The following SETD3 variants were observed in gnomAD, a reference collection of about 807,000 sequenced individuals.
The protein encoded by SETD3 is actin-histidine N-methyltransferase.
SETD3 carries 19 observed loss-of-function variants against 63.0 expected under a neutral mutation model. That is an observed-to-expected ratio of 0.30 (90% CI 0.21 to 0.44). The LOEUF (loss-of-function observed/expected upper bound fraction) is 0.44. Among genes scored for constraint, SETD3 ranks in the 20% least tolerant of loss-of-function variants. The pLI is 1.00. For synonymous variants in SETD3, 286 were observed against 264.1 expected (o/e 1.08, Z -0.80); for missense variants, 587 against 728.5 (o/e 0.81, Z 2.24).
intron 6 of SETD3, among the ~76,000 whole-genome samples, chr14:99,449,499 A>G (rs1894332636): frequency 6.6e-6 from 1 of 152,240 alleles, no homozygotes; most frequent in Non-Finnish European, 1.5e-5. Flanking sequence ...ACACATGATA[A>G]AATATCCAAC....
intron 3 of SETD3, 144 bp from the exon 4 acceptor site, chr14:99,461,484 A>G: frequency 1.3e-6 from 1 of 773,736 alleles, no homozygotes. Context: ...TAATCACCAG[A>G]TGGTCACAGT....
At chr14:99,467,354 A>C (rs753384852) in intron 1 of SETD3, among the ~76,000 whole-genome samples, 2 of 152,200 alleles carry the variant, frequency 1.3e-5, no homozygotes, top group African/African-American at 4.8e-5. Flanking sequence ...CAGACAGCTT[A>C]AGCACCTTTT....
intron 11 of SETD3, 74 bp from the exon 12 acceptor site, chr14:99,400,333 A>T (rs1891324176): frequency 6.8e-7 from 1 of 1,468,312 alleles, no homozygotes; most frequent in African/African-American, 1.4e-5. Context: ...AATCTACCTT[A>T]GAAAATATTG....
At chr14:99,482,171 C>T (rs116133461), upstream of SETD3, among the ~76,000 whole-genome samples, 830 of 152,314 alleles carry the variant, frequency 5.4e-3, 9 homozygotes, top group African/African-American at 0.019. Context: ...GCCAGTTAAA[C>T]GGAGCTTTCG....
At chr14:99,460,249 A>G (rs1159113310) in intron 4 of SETD3, among the ~76,000 whole-genome samples, 2 of 152,228 alleles carry the variant, frequency 1.3e-5, no homozygotes, top group Non-Finnish European at 2.9e-5. Flanking sequence ...CAATCTATCA[A>G]TGAAAGGTTA....
At chr14:99,409,987 G>T in intron 8 of SETD3, 2 of 443,022 alleles carry the variant, frequency 4.5e-6, no homozygotes, top group Non-Finnish European at 8.1e-6. Flanking sequence ...AGGCGGGGGG[G>T]TGAACCAACA....
rs927595493 is a variant in SETD3 at position 99,418,942 on chromosome 14, T to C, written c.676-5008A>G. 1.3e-4 allele frequency among the ~76,000 whole-genome samples: 20 copies of C among 152,208 alleles called. 1 individual carries two copies. Among genetic ancestry groups the C allele is most frequent in the Admixed American group, 7.9e-4 (12 of 15,280 alleles). The stretch of plus-strand genomic sequence containing the variant: ...AAATGCAGGCTCATAAGCAGCAGCA[T>C]GCAAGACAGCGAGTTTCTAGAAGGC... On this transcript the variant is annotated intron_variant, in intron 6 of 12. Transcript: ENST00000331768.
At chr14:99,410,244 G>A (rs1473739427) in intron 8 of SETD3, 4 of 1,613,494 alleles carry the variant, frequency 2.5e-6, no homozygotes, top group Non-Finnish European at 3.4e-6. Flanking sequence ...CCAGAGGTGA[G>A]TCAGACCTGT....
At chr14:99,438,515 T>C (rs191611949) in intron 6 of SETD3, among the ~76,000 whole-genome samples, 1 of 152,222 alleles carries the variant, frequency 6.6e-6, no homozygotes, top group Non-Finnish European at 1.5e-5. Flanking sequence ...AGGTTAGTAA[T>C]GTCATGTTAT....
At chr14:99,404,036 C>T (rs1451718087) in intron 11 of SETD3, among the ~76,000 whole-genome samples, 189 bp downstream of exon 11, 1 of 152,158 alleles carries the variant, frequency 6.6e-6, no homozygotes, top group African/African-American at 2.4e-5. Flanking sequence ...GACAACACAT[C>T]GAGGATTTAA....
chr14:99,473,913 C>T (rs1895833391), intron 1 of SETD3, among the ~76,000 whole-genome samples: 1 of 152,196 alleles, frequency 6.6e-6, no homozygotes, highest in South Asian at 2.1e-4. Context: ...TTATACATAT[C>T]AGAAACGTGT....
rs1313813687 is a variant in SETD3, at chr14:99,398,628, C to T, written c.*51G>A. The T allele has an allele frequency of 4.6e-6, 7 of 1,516,118 alleles. No homozygotes were observed. The East Asian group carries it at 1.6e-4, about 34-fold the overall frequency. The allele number at this position is 1,516,118 out of a possible 1,614,324, so 93.9% of individuals were successfully genotyped here. A position where few individuals can be genotyped will look rare whatever the true frequency, so the allele number is the denominator to read the frequency against. ...AAGGAAACACAGCGATGTGAACGGA[C>T]TGTCCGTCAACTCCTGCTCCACTGG... On this transcript the variant is annotated 3_prime_UTR_variant, in exon 13 of 13. Transcript: ENST00000331768.
At chr14:99,436,137 C>T (rs1893467952) in intron 6 of SETD3, among the ~76,000 whole-genome samples, 1 of 152,090 alleles carries the variant, frequency 6.6e-6, no homozygotes, top group Admixed American at 6.6e-5. Context: ...GGGGAAACCG[C>T]CTCCATGATT....
At chr14:99,428,094 A>G (rs1319270942) in intron 6 of SETD3, among the ~76,000 whole-genome samples, 1 of 152,062 alleles carries the variant, frequency 6.6e-6, no homozygotes, top group Non-Finnish European at 1.5e-5. Flanking sequence ...GTCCCAACAC[A>G]TGAGGCCCTG....
intron 6 of SETD3, among the ~76,000 whole-genome samples, chr14:99,422,486 T>C (rs912530280): frequency 3.3e-5 from 5 of 152,154 alleles, no homozygotes; most frequent in Non-Finnish European, 7.4e-5. Flanking sequence ...CTAAAGGAAG[T>C]TGAGTAGTCT....
Position 99,456,426 on chromosome 14 carries a change from A to G in SETD3, c.675+1853T>C, listed in dbSNP as rs189069158. 6.8e-3 allele frequency among the ~76,000 whole-genome samples: 1,038 copies of G among 152,350 alleles called. 5 individuals are homozygous for G. The highest frequency in any genetic ancestry group is 0.041 in the Middle Eastern group (12 of 294). ...AGTAAAGAGGAATAATTTCTTTAAA[A>G]AGATTAGTGCTCTAAGAATGTTGTT... On this transcript the variant is annotated intron_variant, in intron 6 of 12. Transcript: ENST00000331768.
intron 1 of SETD3, among the ~76,000 whole-genome samples, chr14:99,474,064 C>A (rs146036743): frequency 2.0e-5 from 3 of 152,088 alleles, no homozygotes; most frequent in African/African-American, 7.2e-5. Context: ...CTCACACCTG[C>A]AATCCCAGCA....
At chr14:99,444,984 C>T (rs1205711282) in intron 6 of SETD3, among the ~76,000 whole-genome samples, 1 of 152,042 alleles carries the variant, frequency 6.6e-6, no homozygotes, top group African/African-American at 2.4e-5. Context: ...AGATATGGTC[C>T]ACCTGGAGTG....
At position 99,433,988 on chromosome 14, in the gene SETD3, C is replaced by T. The variant is rs144886080; in HGVS notation, c.676-20054G>A. On this transcript the variant is annotated intron_variant, in intron 6 of 12. Coordinates refer to ENST00000331768, the MANE Select transcript of SETD3 (RefSeq NM_032233.3). The stretch of plus-strand genomic sequence containing the variant: ...AAATTGGTGTAACCACTTCAGAGAA[C>T]GGTTTATCAACATCTACTGAAGCTA... 5.9e-5 allele frequency among the ~76,000 whole-genome samples: 9 copies of T among 152,276 alleles called. No individual in the cohort carries two copies. In the East Asian group the frequency reaches 1.7e-3, roughly 29 times the overall value.
Sources: allele counts gnomAD v4.1 joint callset (sites outside exome capture counted in the v4.1 genomes callset), GRCh38; gene constraint gnomAD v4.1.1; transcripts MANE v1.5; gene names NCBI Gene and HGNC (gene_info 2026-07-23, HGNC 2026-07-21).